NDUFS1: variants seen among roughly 807,000 people sequenced by gnomAD.
NDUFS1 encodes the protein NADH-ubiquinone oxidoreductase 75 kDa subunit, mitochondrial.
A neutral mutation model predicts 84.4 loss-of-function variants in NDUFS1; 61 were observed. The ratio of observed to expected loss-of-function variants is 0.72; its 90% CI spans 0.59 to 0.89. NDUFS1 has a LOEUF of 0.89. NDUFS1 is among the 40% of genes least tolerant of loss of function. NDUFS1 has a pLI of 0.00. For missense variants in NDUFS1, 891 were observed against 890.0 expected, an observed-to-expected ratio of 1.00 and a Z score of -0.01; for synonymous variants, 275 against 290.0, an observed-to-expected ratio of 0.95 and a Z score of 0.53.
At chr2:206,157,868 G>T (rs1039041922) in intron 1 of NDUFS1, among the ~76,000 whole-genome samples, 6 of 151,464 alleles carry the variant, frequency 4.0e-5, no homozygotes, top group African/African-American at 1.5e-4. Flanking sequence ...GCTATTCCAC[G>T]TTCTCCAACA....
In NDUFS1 at chr2:206,118,467, A is replaced by C. The variant is rs1691011894; in HGVS notation, c.*5718T>G. On this transcript the variant is annotated 3_prime_UTR_variant, in exon 19 of 19. Coordinates refer to ENST00000233190, the MANE Select transcript of NDUFS1 (RefSeq NM_005006.7). ...ATGGCGAAACCTCGTCTCTACAAAA[A>C]ATACAAAAATTAGCCAGGTGTGGTG... 5 of 152,098 alleles carry C rather than the reference A, an allele frequency of 3.3e-5. No individual in the cohort carries two copies. The highest frequency in any genetic ancestry group is 1.2e-4 in the African/African-American group (5 of 41,372). 9.4% of individuals were successfully genotyped at this position (152,098 alleles called of 1,614,324 possible). A position where few individuals can be genotyped will look rare whatever the true frequency, so the allele number is the denominator to read the frequency against.
At position 206,147,708 on chromosome 2, in the gene NDUFS1, A is replaced by C. The variant is rs763527112; in HGVS notation, c.420+45T>G. The C allele has an allele frequency of 3.7e-6, 6 of 1,613,868 alleles. No homozygotes were observed. The Admixed American group carries it at 1.0e-4, about 27-fold the overall frequency. On this transcript the variant is annotated intron_variant, in intron 6 of 18. Coordinates refer to ENST00000233190, the MANE Select transcript of NDUFS1 (RefSeq NM_005006.7). ...TCAATCTCATGCTGCTAATAAAATT[A>C]AAATCTGAGACAACCAAAAAGATTG...
At chr2:206,149,641 C>A in intron 4 of NDUFS1, 177 bp downstream of exon 4, 1 of 624,264 alleles carries the variant, frequency 1.6e-6, no homozygotes, top group South Asian at 2.0e-5. Context: ...GCACTTCTAT[C>A]TATGTGTTTC....
intron 2 of NDUFS1, among the ~76,000 whole-genome samples, 193 bp from the exon 3 acceptor site, chr2:206,152,703 CTT>C (rs71034411): frequency 9.8e-4 from 119 of 121,242 alleles, no homozygotes; most frequent in African/African-American, 1.6e-3. Flanking sequence ...CTTTCTTCTT[CTT>C]TTTTTTTTTT....
intron 8 of NDUFS1, among the ~76,000 whole-genome samples, chr2:206,145,927 G>A (rs1045074803): frequency 1.3e-5 from 2 of 152,150 alleles, no homozygotes; most frequent in Non-Finnish European, 1.5e-5. Flanking sequence ...TGGTAATTGC[G>A]GCAAGCATTC....
intron 10 of NDUFS1, among the ~76,000 whole-genome samples, chr2:206,143,612 C>T (rs1422146589): frequency 2.0e-5 from 3 of 150,682 alleles, no homozygotes; most frequent in Non-Finnish European, 4.4e-5. Context: ...GATGGAGTCT[C>T]GCTGTGTCAC....
At chr2:206,143,912 C>G in intron 10 of NDUFS1, 106 bp downstream of exon 10, 1 of 903,146 alleles carries the variant, frequency 1.1e-6, no homozygotes, top group Non-Finnish European at 1.8e-6. Context: ...AAATCATAAT[C>G]TTGGTAAAAG....
intron 2 of NDUFS1, 69 bp from the exon 3 acceptor site, chr2:206,152,579 T>G: frequency 7.3e-7 from 1 of 1,363,684 alleles, no homozygotes; most frequent in African/African-American, 1.4e-5. Context: ...AATGGATGAA[T>G]TGACTCTAAC....
rs145163183 is a variant in NDUFS1, at chr2:206,143,144, C to T, written c.988-313G>A. 1.2e-3 allele frequency among the ~76,000 whole-genome samples: 179 copies of T among 152,186 alleles called. 3 individuals are homozygous for T. The East Asian group carries it at 0.02, about 17-fold the overall frequency. On this transcript the variant is annotated intron_variant, in intron 10 of 18. Coordinates refer to ENST00000233190, the MANE Select transcript of NDUFS1 (RefSeq NM_005006.7). ...GCATACGCCTGTATCCCCAGCTGCT[C>T]GGGAGGATGAGGCAGGAGAACTGCT...
intron 14 of NDUFS1, 123 bp downstream of exon 14, chr2:206,132,820 CAT>C: frequency 1.2e-6 from 1 of 809,258 alleles, no homozygotes; most frequent in Admixed American, 2.3e-5. Flanking sequence ...CTATATTTCA[CAT>C]GTGTAACTGG....
intron 8 of NDUFS1, among the ~76,000 whole-genome samples, chr2:206,146,000 T>C (rs1488321939): frequency 2.6e-5 from 4 of 152,200 alleles, no homozygotes; most frequent in African/African-American, 9.6e-5. Flanking sequence ...CATAAACTCC[T>C]GGATAACTCT....
intron 12 of NDUFS1, 59 bp downstream of exon 12, chr2:206,141,882 A>G (rs966566094): frequency 6.8e-7 from 1 of 1,479,756 alleles, no homozygotes; most frequent in African/African-American, 1.4e-5. Context: ...CATTTTTCAC[A>G]TATAAAACAA....
intron 1 of NDUFS1, among the ~76,000 whole-genome samples, chr2:206,158,328 G>A (rs2105779923): frequency 6.6e-6 from 1 of 152,190 alleles, no homozygotes; most frequent in Non-Finnish European, 1.5e-5. Context: ...TCTTGCCACC[G>A]GCTGTGACCT....
intron 18 of NDUFS1, among the ~76,000 whole-genome samples, chr2:206,125,655 T>A (rs7567206): frequency 0.5 from 75,084 of 148,990 alleles, 19,369 homozygotes; most frequent in African/African-American, 0.64. Flanking sequence ...TTTCTTTTTT[T>A]AAAAAAAAAA....
In NDUFS1 at chr2:206,148,661, T is replaced by C. The variant is rs189661533; in HGVS notation, c.338+359A>G. Among the ~76,000 whole-genome samples the C allele has an allele frequency of 9.2e-5, 14 of 152,278 alleles. No homozygotes were observed. In the East Asian group the frequency reaches 2.5e-3, roughly 27 times the overall value. On this transcript the variant is annotated intron_variant, in intron 5 of 18. Coordinates refer to ENST00000233190, the MANE Select transcript of NDUFS1 (RefSeq NM_005006.7). ...AATTGTAACTTTTAACAATACCGAA[T>C]GATCAAAAGTTGCTGAATGGTCCTC...
At chr2:206,146,163 C>T (rs1290986226) in intron 8 of NDUFS1, among the ~76,000 whole-genome samples, 1 of 152,128 alleles carries the variant, frequency 6.6e-6, no homozygotes, top group Admixed American at 6.6e-5. Flanking sequence ...TACCTGACTA[C>T]TAAACTATGC....
chr2:206,147,587 A>T lies in NDUFS1; in HGVS notation c.495T>A (p.Ile165=), dbSNP rs1692206287. 1 of 1,614,054 alleles carries T rather than the reference A, an allele frequency of 6.2e-7. No individual in the cohort carries two copies. Among genetic ancestry groups the T allele is most frequent in the African/African-American group, 1.3e-5 (1 of 74,930 alleles). The change falls in exon 7 of 19, where the codon ATT becomes ATA. Residue 165 remains isoleucine (I), a synonymous_variant. Coordinates refer to ENST00000233190, the MANE Select transcript of NDUFS1 (RefSeq NM_005006.7). ...EGKRAVEDKN[I]GPLVKTIMTR... ...TCATGATGGTCTTTACCAATGGCCCAATGTTCTTGTCTTCCACAGCACGCT... is the reference window on the plus strand; with the variant it reads ...TCATGATGGTCTTTACCAATGGCCCTATGTTCTTGTCTTCCACAGCACGCT...
At chr2:206,128,018 G>T (rs938541736) in intron 15 of NDUFS1, 46 bp from the exon 16 acceptor site, 28 of 1,580,976 alleles carry the variant, frequency 1.8e-5, no homozygotes, top group Non-Finnish European at 2.3e-5. Context: ...ATTAAAAACT[G>T]ATTTTCTACT....
chr2:206,116,604 G>A lies in NDUFS1; in HGVS notation c.*7581C>T, dbSNP rs1218811493. 2 of 513,836 alleles carry A rather than the reference G, an allele frequency of 3.9e-6. No individual in the cohort carries two copies. Among genetic ancestry groups the A allele is most frequent in the Non-Finnish European group, 7.1e-6 (2 of 282,536 alleles). The allele number at this position is 513,836 out of a possible 1,614,324, so 31.8% of individuals were successfully genotyped here. A position where few individuals can be genotyped will look rare whatever the true frequency, so the allele number is the denominator to read the frequency against. On this transcript the variant is annotated 3_prime_UTR_variant, in exon 19 of 19. Coordinates refer to ENST00000233190, the MANE Select transcript of NDUFS1 (RefSeq NM_005006.7). ...ATTTCTTTATAAATTACCCAGTCTG[G>A]GCCTGGTGTGTTGGCTCACATGTGT...
Sources: gnomAD v4.1 joint callset for allele counts (sites outside exome capture counted in the v4.1 genomes callset) on GRCh38, gnomAD v4.1.1 for gene constraint, MANE v1.5 for transcripts, NCBI Gene and HGNC (gene_info 2026-07-23, HGNC 2026-07-21) for gene names.